Variants in CLASP2 observed in about 807,000 individuals in gnomAD.
CLASP2 encodes the protein CLIP-associating protein 2.
CLASP2 carries 47 observed loss-of-function variants against 194.4 expected under a neutral mutation model. That is an observed-to-expected ratio of 0.24 (90% CI 0.19 to 0.31). The LOEUF is 0.31. Among genes scored for constraint, CLASP2 ranks in the 10% least tolerant of loss-of-function variants. The probability of loss-of-function intolerance (pLI) is 1.00; values close to 1 mark genes in which losing one functional copy is unlikely to be tolerated. For synonymous variants in CLASP2, 619 were observed against 633.5 expected (o/e 0.98, Z 0.34); for missense variants, 1,445 against 1,823.6 (o/e 0.79, Z 3.78).
At chr3:33,542,029 T>A (rs1338528150) in intron 32 of CLASP2, among the ~76,000 whole-genome samples, 12 of 152,182 alleles carry the variant, frequency 7.9e-5, no homozygotes, top group East Asian at 1.9e-4. Flanking sequence ...ATAATAACCA[T>A]TCTGACTGGT....
intron 35 of CLASP2, among the ~76,000 whole-genome samples, 181 bp downstream of exon 35, chr3:33,516,800 T>C (rs917303878): frequency 6.6e-6 from 1 of 152,214 alleles, no homozygotes; most frequent in African/African-American, 2.4e-5. Context: ...CTGTTAATTG[T>C]TCAAAATTGT....
At chr3:33,567,175 C>T (rs902340657) in intron 26 of CLASP2, among the ~76,000 whole-genome samples, 1 of 152,118 alleles carries the variant, frequency 6.6e-6, no homozygotes, top group Non-Finnish European at 1.5e-5. Context: ...AGAAGCAATA[C>T]TTTCACAAGT....
At chr3:33,586,871 A>G (rs1283626481) in intron 21 of CLASP2, among the ~76,000 whole-genome samples, 1 of 152,082 alleles carries the variant, frequency 6.6e-6, no homozygotes, top group African/African-American at 2.4e-5. Flanking sequence ...GTCAAAAAAG[A>G]GAGGGGCACT....
At chr3:33,505,913 G>C (rs9852795) in intron 37 of CLASP2, among the ~76,000 whole-genome samples, 4,378 of 152,062 alleles carry the variant, frequency 0.029, 208 homozygotes, top group African/African-American at 0.099. Flanking sequence ...AAATTATCCA[G>C]GCAACTCACC....
chr3:33,535,943 G>A (rs1423366681), intron 33 of CLASP2, among the ~76,000 whole-genome samples: 3 of 151,352 alleles, frequency 2.0e-5, no homozygotes, highest in South Asian at 2.1e-4. Context: ...AAAAAGAAAG[G>A]CTTAAAAGGC....
At chr3:33,669,099 T>C (rs1272959629) in intron 6 of CLASP2, among the ~76,000 whole-genome samples, 1 of 152,240 alleles carries the variant, frequency 6.6e-6, no homozygotes, top group Admixed American at 6.5e-5. Context: ...TTATAGGTCA[T>C]CATTTTGAGC....
At chr3:33,670,916 A>C (rs1005346187) in intron 6 of CLASP2, among the ~76,000 whole-genome samples, 2 of 152,204 alleles carry the variant, frequency 1.3e-5, no homozygotes, top group African/African-American at 4.8e-5. Context: ...ATGTGAGTGT[A>C]TTCTGTTCTC....
chr3:33,534,496 G>A (rs1343352090), intron 34 of CLASP2, among the ~76,000 whole-genome samples: 1 of 152,166 alleles, frequency 6.6e-6, no homozygotes, highest in Non-Finnish European at 1.5e-5. Flanking sequence ...GAGCCTACGA[G>A]GACAAGGCTG....
At chr3:33,672,279 C>T (rs927044932) in intron 6 of CLASP2, among the ~76,000 whole-genome samples, 2 of 152,310 alleles carry the variant, frequency 1.3e-5, no homozygotes, top group South Asian at 2.1e-4. Flanking sequence ...GCAGCATTCG[C>T]GGTTCACGAA....
chr3:33,517,233 G>A, intron 34 of CLASP2, 59 bp from the exon 35 acceptor site: 1 of 1,328,644 alleles, frequency 7.5e-7, no homozygotes, highest in Non-Finnish European at 1.0e-6. Context: ...CACAAGTATG[G>A]GGATAACAAC....
In CLASP2 at chr3:33,498,206, A is replaced by T. The variant is rs2046039080; in HGVS notation, c.*425T>A. On this transcript the variant is annotated 3_prime_UTR_variant, in exon 39 of 39. Coordinates refer to ENST00000682230, the MANE Select transcript of CLASP2 (RefSeq NM_001365631.1). ...GATACGAAACAAAACTCAAAGTAGCAATAAAAATATTATTCTGCAGTTGAA... is the reference window on the plus strand; with the variant it reads ...GATACGAAACAAAACTCAAAGTAGCTATAAAAATATTATTCTGCAGTTGAA... The T allele has an allele frequency of 6.5e-6, 1 of 153,938 alleles. No homozygotes were observed. Among genetic ancestry groups the T allele is most frequent in the Non-Finnish European group, 1.4e-5 (1 of 69,084 alleles). 9.5% of individuals were successfully genotyped at this position (153,938 alleles called of 1,614,324 possible).
intron 21 of CLASP2, among the ~76,000 whole-genome samples, chr3:33,591,793 T>C (rs1300112825): frequency 6.6e-6 from 1 of 152,086 alleles, no homozygotes; most frequent in African/African-American, 2.4e-5. Context: ...TGAAACAGAA[T>C]CAGTCATTTC....
chr3:33,709,803 T>C (rs2092912957), intron 1 of CLASP2, among the ~76,000 whole-genome samples: 1 of 152,228 alleles, frequency 6.6e-6, no homozygotes, highest in African/African-American at 2.4e-5. Context: ...AGGAAGATAA[T>C]ATATTAATGA....
At chr3:33,564,653 C>T (rs970759148) in intron 27 of CLASP2, among the ~76,000 whole-genome samples, 6 of 152,120 alleles carry the variant, frequency 3.9e-5, no homozygotes, top group Admixed American at 2.0e-4. Flanking sequence ...TACAGTGGCA[C>T]GATCATGGTA....
chr3:33,564,014 C>CA (rs762363004), intron 27 of CLASP2: 1 of 432,086 alleles, frequency 2.3e-6, no homozygotes, highest in Non-Finnish European at 4.6e-6. Context: ...TCTTGGATTG[C>CA]AAGTCAGGGC....
At chr3:33,625,672 G>T (rs544351243) in intron 10 of CLASP2, among the ~76,000 whole-genome samples, 26 of 151,188 alleles carry the variant, frequency 1.7e-4, no homozygotes, top group African/African-American at 5.8e-4. Context: ...AATGAAGTTT[G>T]TTTTTTTATT....
intron 34 of CLASP2, among the ~76,000 whole-genome samples, chr3:33,517,516 A>G (rs966230285): frequency 1.3e-5 from 2 of 152,090 alleles, no homozygotes; most frequent in Admixed American, 1.3e-4. Context: ...CAAATCCCAT[A>G]TATGTCATTT....
intron 6 of CLASP2, among the ~76,000 whole-genome samples, chr3:33,676,143 G>T (rs1307165046): frequency 6.6e-6 from 1 of 152,016 alleles, no homozygotes; most frequent in Non-Finnish European, 1.5e-5. Context: ...TAAGCCAAAA[G>T]AACAAAGCTG....
rs185921165 is a variant in CLASP2, at chr3:33,535,936, A to G, written c.3559-475T>C. Among the ~76,000 whole-genome samples the G allele has an allele frequency of 4.9e-3, 746 of 152,138 alleles. 5 individuals are homozygous for G. Among genetic ancestry groups the G allele is most frequent in the Non-Finnish European group, 6.1e-3 (416 of 68,004 alleles). Reference sequence around the variant, plus strand: ...TTGCTTTAAGGAGAAAAAAAAAAAAAAGAAAGGCTTAAAAGGCCTGCATAA... The same window carrying G: ...TTGCTTTAAGGAGAAAAAAAAAAAAGAGAAAGGCTTAAAAGGCCTGCATAA... On this transcript the variant is annotated intron_variant, in intron 33 of 38. Transcript: ENST00000682230.
Sources: allele counts gnomAD v4.1 joint callset (sites outside exome capture counted in the v4.1 genomes callset), GRCh38; gene constraint gnomAD v4.1.1; transcripts MANE v1.5; gene names NCBI Gene and HGNC (gene_info 2026-07-23, HGNC 2026-07-21).